FRY: variants seen among roughly 807,000 people sequenced by gnomAD.
FRY encodes protein furry homolog.
FRY carries 128 observed loss-of-function variants against 348.4 expected under a neutral mutation model. The observed-to-expected ratio is 0.37, with a 90% CI of 0.32 to 0.43. FRY has a LOEUF of 0.43. Ranked by LOEUF, FRY falls within the 20% of genes least tolerant of loss-of-function variation. The probability of loss-of-function intolerance (pLI) is 1.00; values close to 1 mark genes in which losing one functional copy is unlikely to be tolerated. For missense variants in FRY, 2,736 were observed against 3,695.2 expected, an observed-to-expected ratio of 0.74 and a Z score of 6.73; for synonymous variants, 1,370 against 1,374.7, an observed-to-expected ratio of 1.00 and a Z score of 0.08.
At chr13:32,229,589 C>T (rs1463909718) in intron 40 of FRY, among the ~76,000 whole-genome samples, 1 of 152,154 alleles carries the variant, frequency 6.6e-6, no homozygotes, top group African/African-American at 2.4e-5. Context: ...CAGAGACCCG[C>T]ATGATTTGTG....
Position 32,224,825 on chromosome 13 carries a change from A to G in FRY, c.4917-108A>G, listed in dbSNP as rs558894543. On this transcript the variant is annotated intron_variant, in intron 37 of 60. Coordinates refer to ENST00000542859, the MANE Select transcript of FRY (RefSeq NM_023037.3). ...TATTTCCCCCGAATAAGAGCCTTAT[A>G]TAATGTTTTAAAAACACTTAAGAGT... The G allele has an allele frequency of 2.3e-4, 173 of 755,030 alleles. 1 individual carries two copies. The South Asian group carries it at 2.3e-3, about 10-fold the overall frequency. The allele number at this position is 755,030 out of a possible 1,614,324, so 46.8% of individuals were successfully genotyped here.
At chr13:32,230,786 G>A (rs1192316751) in intron 40 of FRY, among the ~76,000 whole-genome samples, 2 of 152,268 alleles carry the variant, frequency 1.3e-5, no homozygotes, top group East Asian at 1.9e-4. Flanking sequence ...CAGTGTAAAA[G>A]CCTTCCTTTT....
intron 8 of FRY, among the ~76,000 whole-genome samples, chr13:32,133,951 G>C (rs1020810508): frequency 6.6e-6 from 1 of 151,078 alleles, no homozygotes; most frequent in Non-Finnish European, 1.5e-5. Flanking sequence ...ACTAATTTTT[G>C]TATTTTTTTG....
At chr13:32,224,657 T>G (rs1446641280) in intron 37 of FRY, among the ~76,000 whole-genome samples, 1 of 152,208 alleles carries the variant, frequency 6.6e-6, no homozygotes, top group African/African-American at 2.4e-5. Flanking sequence ...TGTAAGCAAC[T>G]TGATGAGAGG....
intron 18 of FRY, among the ~76,000 whole-genome samples, chr13:32,171,770 A>G (rs952903262): frequency 4.6e-5 from 7 of 152,234 alleles, no homozygotes; most frequent in African/African-American, 1.7e-4. Context: ...GATATTCCAC[A>G]TCAGGTTAGA....
rs182180104 is a variant in FRY, at chr13:32,187,690, G to A, written c.3591+34G>A. ...AGGCAAAAATACATTGTTTTTGAAT[G>A]TCTTCTGTGTTCTGCCTCAGTTGAG... is the stretch of plus-strand genomic sequence containing the variant. On this transcript the variant is annotated intron_variant, in intron 28 of 60. Coordinates refer to ENST00000542859, the MANE Select transcript of FRY (RefSeq NM_023037.3). 650 of 1,159,780 alleles carry A rather than the reference G, an allele frequency of 5.6e-4. 2 individuals carry two copies. The highest frequency in any genetic ancestry group is 7.1e-4 in the Non-Finnish European group (545 of 765,640). The allele number at this position is 1,159,780 out of a possible 1,614,324, so 71.8% of individuals were successfully genotyped here. A position where few individuals can be genotyped will look rare whatever the true frequency, so the allele number is the denominator to read the frequency against.
chr13:32,205,826 G>A (rs897459409), intron 31 of FRY, among the ~76,000 whole-genome samples: 1 of 151,882 alleles, frequency 6.6e-6, no homozygotes, highest in African/African-American at 2.4e-5. Flanking sequence ...GAGAGAGGAG[G>A]ATAGTTAAGA....
chr13:32,054,498 T>C (rs760723341), intron 1 of FRY, among the ~76,000 whole-genome samples: 6 of 152,140 alleles, frequency 3.9e-5, no homozygotes, highest in Non-Finnish European at 8.8e-5. Flanking sequence ...AGTCTATGTA[T>C]ATCAAGTACG....
intron 58 of FRY, among the ~76,000 whole-genome samples, chr13:32,280,981 A>C (rs1888780760): frequency 1.3e-5 from 2 of 152,130 alleles, no homozygotes; most frequent in African/African-American, 4.8e-5. Flanking sequence ...TTCCTCAAAC[A>C]AATGTTTATC....
intron 28 of FRY, among the ~76,000 whole-genome samples, chr13:32,192,351 TGC>T (rs1449509589): frequency 1.3e-5 from 2 of 151,780 alleles, no homozygotes; most frequent in Admixed American, 1.3e-4. Context: ...CCGGCTGGAG[TGC>T]AGTGGCTGGA....
chr13:32,251,948 C>T lies in FRY; in HGVS notation c.7241C>T (p.Pro2414Leu), dbSNP rs528774263. 2 of 1,600,650 alleles carry T rather than the reference C, an allele frequency of 1.2e-6. No individual in the cohort carries two copies. The highest frequency in any genetic ancestry group is 2.2e-5 in the East Asian group (1 of 44,786). ...CGQEVGLSKN[P>L]SVIFSSCGDL... ...CAAGAAGTAGGATTGAGCAAAAATC[C>T]ATCAGTAAGTTCTGTCATGTGTCAT... The change falls in exon 50 of 61, where the codon CCA becomes CTA. Residue 2414 changes from proline (P) to leucine (L), a missense_variant. Pro to Leu is a moderately conservative substitution (Grantham distance 98). This residue lies in a region of FRY where 789 missense variants were observed against 996.2 expected (regional missense o/e 0.79). Transcript: ENST00000542859.
rs1357555129 is a variant in FRY at position 32,038,180 on chromosome 13, G to A, written c.70+6315G>A. Reference sequence around the variant, plus strand: ...TTGTGTGGCATGAGATACCCACATGGCATCATGTAGGTATATTTTGAGAAG... The same window carrying A: ...TTGTGTGGCATGAGATACCCACATGACATCATGTAGGTATATTTTGAGAAG... On this transcript the variant is annotated intron_variant, in intron 1 of 60. Coordinates refer to ENST00000542859, the MANE Select transcript of FRY (RefSeq NM_023037.3). Among the ~76,000 whole-genome samples, 3 of 152,132 alleles carry A rather than the reference G, an allele frequency of 2.0e-5. No individual in the cohort carries two copies. The East Asian group carries it at 5.8e-4, about 29-fold the overall frequency.
chr13:32,103,288 G>A (rs546490992), intron 3 of FRY, among the ~76,000 whole-genome samples: 10 of 152,330 alleles, frequency 6.6e-5, no homozygotes, highest in East Asian at 1.9e-4. Context: ...GGCAGGTGCT[G>A]AGGTGGTCAG....
At chr13:32,289,879 A>T in intron 59 of FRY, 136 bp downstream of exon 59, 1 of 695,274 alleles carries the variant, frequency 1.4e-6, no homozygotes, top group Admixed American at 2.0e-5. Flanking sequence ...CAATTCTGAA[A>T]TAAACATGTC....
chr13:32,254,314 A>C lies in FRY; in HGVS notation c.7336A>C (p.Met2446Leu), dbSNP rs767318998. ...GGACGGTGCCCGAGAGCAGGAGAACATGGATGACACAAACAGCGAGCAGCA... is the reference window on the plus strand; with the variant it reads ...GGACGGTGCCCGAGAGCAGGAGAACCTGGATGACACAAACAGCGAGCAGCA... The part of the protein sequence containing the change: ...SEDGAREQEN[M>L]DDTNSEQQFR... Residue 2446 changes from methionine (M) to leucine (L), a missense_variant, in exon 51 of 61, where the codon ATG (methionine) becomes CTG (leucine). Physicochemically the swap from Met to Leu is conservative, Grantham distance 15 (BLOSUM62 2). Transcript: ENST00000542859. The C allele has an allele frequency of 6.2e-7, 1 of 1,614,162 alleles. No individual in the cohort carries two copies. Among genetic ancestry groups the C allele is most frequent in the Admixed American group, 1.7e-5 (1 of 60,018 alleles).
intron 11 of FRY, among the ~76,000 whole-genome samples, chr13:32,137,997 T>G (rs1879827729): frequency 6.6e-6 from 1 of 152,210 alleles, no homozygotes. Flanking sequence ...ATCATTCATT[T>G]TCTTCAAATT....
At chr13:32,251,617 A>C (rs534964397) in intron 49 of FRY, among the ~76,000 whole-genome samples, 1 of 152,212 alleles carries the variant, frequency 6.6e-6, no homozygotes, top group Non-Finnish European at 1.5e-5. Context: ...TACCCTTAAA[A>C]AAAAAGGAAA....
At chr13:32,051,401 C>T (rs35997760) in intron 1 of FRY, among the ~76,000 whole-genome samples, 8,973 of 152,092 alleles carry the variant, frequency 0.059, 381 homozygotes, top group African/African-American at 0.11. Context: ...AGCTACCTAC[C>T]GGAATGAAAA....
chr13:32,161,236 T>C lies in FRY; in HGVS notation c.1877T>C (p.Ile626Thr), dbSNP rs777390856. 18 of 1,601,000 alleles carry C rather than the reference T, an allele frequency of 1.1e-5. No homozygotes were observed. Among genetic ancestry groups the C allele is most frequent in the South Asian group, 7.7e-5 (7 of 90,818 alleles). The stretch of plus-strand genomic sequence containing the variant: ...GATGGGATGTCAAAACTTGAACTTA[T>C]TGACTTACTGGCTAGGTAGGTGAGA... ...LPDGMSKLEL[I>T]DLLARLSIHM... Residue 626 changes from isoleucine (I) to threonine (T), a missense_variant, in exon 17 of 61, where the codon ATT becomes ACT. Ile to Thr is a moderately conservative substitution (Grantham distance 89). Around this residue, in one of 9 missense-constraint regions of FRY, gnomAD observed 191 missense variants for 370.2 expected, o/e 0.52. Coordinates refer to ENST00000542859, the MANE Select transcript of FRY (RefSeq NM_023037.3).
Sources: gnomAD v4.1 joint callset for allele counts (sites outside exome capture counted in the v4.1 genomes callset) on GRCh38, gnomAD v4.1.1 for gene constraint, gnomAD v4.1.1 regional missense constraint, MANE v1.5 for transcripts, NCBI Gene and HGNC (gene_info 2026-07-23, HGNC 2026-07-21) for gene names.